SOX6: variants seen among roughly 807,000 people sequenced by gnomAD.
SOX6 encodes transcription factor SOX-6.
SOX6 carries 11 observed loss-of-function variants against 97.8 expected under a neutral mutation model. The ratio of observed to expected loss-of-function variants is 0.11; its 90% CI spans 0.07 to 0.19. The LOEUF (loss-of-function observed/expected upper bound fraction) is 0.19, where lower values mean the gene tolerates loss of function less well. Among genes scored for constraint, SOX6 ranks in the 10% least tolerant of loss-of-function variants. The probability of loss-of-function intolerance (pLI) is 1.00; values close to 1 mark genes in which losing one functional copy is unlikely to be tolerated. For missense variants in SOX6, 810 were observed against 1,039.5 expected (o/e 0.78, Z 3.04); for synonymous variants, 360 against 371.4 (o/e 0.97, Z 0.35).
intron 4 of SOX6, among the ~76,000 whole-genome samples, chr11:16,188,076 C>A (rs1357459432): frequency 6.6e-6 from 1 of 151,770 alleles, no homozygotes; most frequent in Admixed American, 6.6e-5. Flanking sequence ...TATGAGTGGC[C>A]TTATTTTTAA....
chr11:16,620,537 G>C (rs1848531355), intron 3 of SOX6, among the ~76,000 whole-genome samples: 2 of 152,120 alleles, frequency 1.3e-5, no homozygotes, highest in Non-Finnish European at 2.9e-5. Flanking sequence ...CTGAGTAGCT[G>C]GGACTACAGG....
At chr11:16,374,283 A>G (rs2134398401) in intron 1 of SOX6, among the ~76,000 whole-genome samples, 1 of 152,162 alleles carries the variant, frequency 6.6e-6, no homozygotes, top group Middle Eastern at 3.4e-3. Flanking sequence ...AAATGTTTTC[A>G]TTGTCAGGAA....
Position 16,670,932 on chromosome 11 carries a change from G to A in SOX6, n.429+43898C>T, listed in dbSNP as rs1847844040. On this transcript the variant is annotated intron_variant and non_coding_transcript_variant, in intron 3 of 5. Transcript: ENST00000524520. ...AGAGGGATCACGGCTGCAACTGTGA[G>A]GAAATATAGGAAAGTCACATGACTA... 1.3e-5 allele frequency among the ~76,000 whole-genome samples: 2 copies of A among 151,966 alleles called. 1 individual carries two copies.
intron 9 of SOX6, among the ~76,000 whole-genome samples, chr11:16,072,468 C>T (rs1848249085): frequency 6.6e-6 from 1 of 152,160 alleles, no homozygotes; most frequent in Admixed American, 6.5e-5. Context: ...AAATCTATGA[C>T]TCTTTGATGC....
intron 4 of SOX6, among the ~76,000 whole-genome samples, chr11:16,514,443 A>T (rs1330295996): frequency 6.6e-6 from 1 of 152,148 alleles, no homozygotes; most frequent in Non-Finnish European, 1.5e-5. Context: ...CCCTGCTATT[A>T]GCTAACTGTG....
chr11:16,672,210 A>G (rs1262747120), intron 3 of SOX6, among the ~76,000 whole-genome samples: 1 of 152,206 alleles, frequency 6.6e-6, no homozygotes, highest in Admixed American at 6.5e-5. Flanking sequence ...AAATACACAG[A>G]CCAGTGACAC....
intron 4 of SOX6, among the ~76,000 whole-genome samples, chr11:16,486,600 C>T (rs1860438109): frequency 6.6e-6 from 1 of 152,160 alleles, no homozygotes; most frequent in South Asian, 2.1e-4. Flanking sequence ...GTGGCTCACG[C>T]CTGTAATCCC....
intron 3 of SOX6, among the ~76,000 whole-genome samples, chr11:16,637,465 C>T (rs536963255): frequency 2.5e-4 from 38 of 152,226 alleles, no homozygotes; most frequent in Non-Finnish European, 4.6e-4. Flanking sequence ...GAGATCTGCC[C>T]GCCTCAGCCT....
At chr11:16,240,275 AGTGTGTGTGTGTGT>A (rs4031660) in intron 3 of SOX6, among the ~76,000 whole-genome samples, 8 of 129,054 alleles carry the variant, frequency 6.2e-5, no homozygotes, top group Admixed American at 2.4e-4. Flanking sequence ...TAGATAATAT[AGTGTGTGTGTGTGT>A]GTGTGTGTGT....
intron 1 of SOX6, among the ~76,000 whole-genome samples, chr11:16,421,374 A>C (rs1590196718): frequency 6.6e-6 from 1 of 152,250 alleles, no homozygotes; most frequent in Non-Finnish European, 1.5e-5. Flanking sequence ...TTCTAACTTA[A>C]TGTTAACATC....
chr11:15,977,440 A>T (rs1044529472), intron 15 of SOX6, among the ~76,000 whole-genome samples: 3 of 150,594 alleles, frequency 2.0e-5, no homozygotes, highest in Non-Finnish European at 4.4e-5. Context: ...TTATGATTTC[A>T]CTCCCCACCC....
At chr11:16,540,950 T>G (rs1036774815) in intron 4 of SOX6, among the ~76,000 whole-genome samples, 2 of 152,164 alleles carry the variant, frequency 1.3e-5, no homozygotes, top group Non-Finnish European at 2.9e-5. Flanking sequence ...ATGACTTTCT[T>G]CACAGAATTG....
intron 3 of SOX6, among the ~76,000 whole-genome samples, chr11:16,283,511 T>G (rs531127507): frequency 9.0e-4 from 137 of 151,810 alleles, no homozygotes; most frequent in African/African-American, 3.3e-3. Flanking sequence ...ATAATTTTCT[T>G]TAAACCATAA....
intron 9 of SOX6, among the ~76,000 whole-genome samples, chr11:16,084,838 AT>A (rs10714310): frequency 0.026 from 3,950 of 152,262 alleles, 172 homozygotes; most frequent in African/African-American, 0.09. Context: ...ATAGAGTTTC[AT>A]TAATCAGGAA....
intron 3 of SOX6, chr11:16,312,415 C>T (rs1271255316): frequency 6.6e-6 from 1 of 152,160 alleles, no homozygotes; most frequent in Non-Finnish European, 1.5e-5. Context: ...CAAACCAGGG[C>T]CCTCGGCCTA....
At chr11:16,271,709 CTTTTGTCACTCAATA>C (rs751095179) in intron 3 of SOX6, among the ~76,000 whole-genome samples, 18 of 151,180 alleles carry the variant, frequency 1.2e-4, no homozygotes, top group Non-Finnish European at 2.5e-4. Context: ...TGTCATTTTA[CTTTTGTCACTCAATA>C]TTTTGCGTGT....
intron 3 of SOX6, among the ~76,000 whole-genome samples, chr11:16,675,665 G>T (rs1208889881): frequency 6.6e-6 from 1 of 152,126 alleles, no homozygotes; most frequent in Non-Finnish European, 1.5e-5. Context: ...CTCAGTTTTT[G>T]TCAGTCTAAG....
intron 3 of SOX6, chr11:16,317,889 C>T: frequency 2.3e-6 from 1 of 432,070 alleles, no homozygotes; most frequent in Admixed American, 2.6e-5. Flanking sequence ...TGAGTGAACT[C>T]TTGTACAGAG....
At chr11:16,188,217 T>A (rs548774868) in intron 4 of SOX6, among the ~76,000 whole-genome samples, 5 of 123,160 alleles carry the variant, frequency 4.1e-5, no homozygotes, top group African/African-American at 1.7e-4. Flanking sequence ...ATTCTTAATG[T>A]CAACTCAGGT....
Sources: gnomAD v4.1 joint callset for allele counts (sites outside exome capture counted in the v4.1 genomes callset) on GRCh38, gnomAD v4.1.1 for gene constraint, MANE v1.5 for transcripts, NCBI Gene and HGNC (gene_info 2026-07-23, HGNC 2026-07-21) for gene names.